XPO6: variants seen among roughly 807,000 people sequenced by gnomAD.
The protein encoded by XPO6 is exportin-6.
XPO6 carries 3 observed loss-of-function variants against 130.0 expected under a neutral mutation model. The ratio of observed to expected loss-of-function variants is 0.02; its 90% CI spans 0.01 to 0.06. The LOEUF is 0.06. Ranked by LOEUF, XPO6 falls within the 10% of genes least tolerant of loss-of-function variation. XPO6 has a pLI of 1.00. For missense variants in XPO6, 970 were observed against 1,393.0 expected, an observed-to-expected ratio of 0.70 and a Z score of 4.83; for synonymous variants, 524 against 548.9, an observed-to-expected ratio of 0.95 and a Z score of 0.63.
chr16:28,113,959 T>C (rs956666379), intron 15 of XPO6, among the ~76,000 whole-genome samples: 4 of 152,278 alleles, frequency 2.6e-5, no homozygotes, highest in African/African-American at 9.6e-5. Context: ...TTTAAAAATG[T>C]ATAAAATGTT....
chr16:28,190,162 T>G (rs946822726), intron 1 of XPO6, among the ~76,000 whole-genome samples: 1 of 152,112 alleles, frequency 6.6e-6, no homozygotes, highest in African/African-American at 2.4e-5. Flanking sequence ...TATTGGAGAA[T>G]GCATAAAAAC....
rs541629817 is a variant in XPO6 at position 28,101,836 on chromosome 16, G to A, written c.3045+11C>T. On this transcript the variant is annotated intron_variant, in intron 22 of 23. Coordinates refer to ENST00000304658, the MANE Select transcript of XPO6 (RefSeq NM_015171.4). This position sits in a 1 kb window ranked among gnomAD's most constrained non-coding sequence, Gnocchi z 5.4. ...TGATGGAAGAATATTTCCAAGAGCTGGGGCACTTACCTTGTGGTACAGCTT... is the reference window on the plus strand; with the variant it reads ...TGATGGAAGAATATTTCCAAGAGCTAGGGCACTTACCTTGTGGTACAGCTT... 1.4e-5 allele frequency: 22 copies of A among 1,612,632 alleles called. No homozygotes were observed. Among genetic ancestry groups the A allele is most frequent in the Admixed American group, 1.0e-4 (6 of 59,984 alleles).
rs2042691925 is a variant in XPO6, at chr16:28,132,556, A to G, written c.1537-153T>C. ...AACCTTTAAATGCAGCTAAAAAGCT[A>G]TGACCCCCCTTCAGTGCCCCCCAAC... On this transcript the variant is annotated intron_variant, in intron 11 of 23. Coordinates refer to ENST00000304658, the MANE Select transcript of XPO6 (RefSeq NM_015171.4). The surrounding 1 kb of genome is among the most constrained non-coding windows in gnomAD (Gnocchi z 4.0). Among the ~76,000 whole-genome samples the G allele has an allele frequency of 6.6e-6, 1 of 152,000 alleles. No individual in the cohort carries two copies. The highest frequency in any genetic ancestry group is 2.4e-5 in the African/African-American group (1 of 41,396).
At chr16:28,207,384 G>A (rs74883989) in intron 1 of XPO6, among the ~76,000 whole-genome samples, 3,327 of 152,196 alleles carry the variant, frequency 0.022, 107 homozygotes, top group African/African-American at 0.076. Context: ...GCAACAGCTC[G>A]CTCAATACTA....
At chr16:28,210,666 AG>A in intron 1 of XPO6, among the ~76,000 whole-genome samples, 1 of 152,346 alleles carries the variant, frequency 6.6e-6, no homozygotes, top group East Asian at 1.9e-4. Context: ...ACACACATTT[AG>A]GGGAGTATTG....
chr16:28,104,212 G>A (rs1314417811), intron 21 of XPO6, among the ~76,000 whole-genome samples: 1 of 152,204 alleles, frequency 6.6e-6, no homozygotes, highest in East Asian at 1.9e-4. Context: ...TCCCCGCTAA[G>A]AAGGCCCTCG....
At chr16:28,103,793 G>A (rs191160313) in intron 21 of XPO6, among the ~76,000 whole-genome samples, 221 of 152,356 alleles carry the variant, frequency 1.5e-3, no homozygotes, top group African/African-American at 4.2e-3. Context: ...GTGTGTGTGC[G>A]CGCGCATGCG....
chr16:28,189,257 T>TAAAAA (rs34353034), intron 1 of XPO6, among the ~76,000 whole-genome samples: 5 of 134,598 alleles, frequency 3.7e-5, no homozygotes, highest in Non-Finnish European at 6.2e-5. Flanking sequence ...ACACTTCCTT[T>TAAAAA]AAAAAAAAAA....
chr16:28,100,633 C>G (rs958410340), intron 23 of XPO6, among the ~76,000 whole-genome samples: 1 of 152,222 alleles, frequency 6.6e-6, no homozygotes, highest in African/African-American at 2.4e-5. Flanking sequence ...GGTCAAGAAC[C>G]CCAAGAGGAC....
intron 23 of XPO6, among the ~76,000 whole-genome samples, chr16:28,099,366 C>G (rs1001325837): frequency 2.6e-5 from 4 of 152,184 alleles, no homozygotes; most frequent in Non-Finnish European, 5.9e-5. Flanking sequence ...TGAGCAGGAC[C>G]AAGTTCATTT....
In XPO6 at chr16:28,104,559, C is replaced by A. The variant is rs750806090; in HGVS notation, c.2933G>T (p.Ser978Ile). 3 of 1,614,228 alleles carry A rather than the reference C, an allele frequency of 1.9e-6. No homozygotes were observed. The highest frequency in any genetic ancestry group is 2.5e-6 in the Non-Finnish European group (3 of 1,180,036). ...EEQMENEPQF[S>I]AIMQAFGQSF... ...CCCCCACGTTACCTGCATGATGGCA[C>A]TGAACTGGGGCTCATTCTCCATCTG... The change falls in exon 21 of 24, where the codon AGT becomes ATT. Residue 978 changes from serine (S) to isoleucine (I), a missense_variant. Ser to Ile is a moderately radical substitution (Grantham distance 142). This residue lies in a region of XPO6 where 936 missense variants were observed against 1,306.8 expected (regional missense o/e 0.72). Coordinates refer to ENST00000304658, the MANE Select transcript of XPO6 (RefSeq NM_015171.4).
rs2043046367 is a variant in XPO6 at position 28,149,456 on chromosome 16, TAAC to T, written c.1224+3200_1224+3202del. Among the ~76,000 whole-genome samples the T allele has an allele frequency of 1.2e-4, 18 of 152,364 alleles. No homozygotes were observed. In the South Asian group the frequency reaches 3.5e-3, roughly 30 times the overall value. ...TTCATCAGTACAGTCATGTACCATA[TAAC>T]AACATTTCCATCAACAATAGACTGC... On this transcript the variant is annotated intron_variant, in intron 8 of 23. Transcript: ENST00000304658.
At position 28,158,474 on chromosome 16, in the gene XPO6, AAT is replaced by A. The variant is rs376922595; in HGVS notation, c.644-1949_644-1948del. On this transcript the variant is annotated intron_variant, in intron 6 of 23. Transcript: ENST00000304658. The stretch of plus-strand genomic sequence containing the variant: ...GTGAATTTTTCTGTTTGCTTTGAAA[AAT>A]ATAGTTATTTTTTATTAAAGCATAT... 2.7e-4 allele frequency among the ~76,000 whole-genome samples: 41 copies of A among 152,360 alleles called. No homozygotes were observed. The East Asian group carries it at 5.4e-3, about 20-fold the overall frequency.
chr16:28,109,662 G>A (rs183063633), intron 17 of XPO6, among the ~76,000 whole-genome samples: 7 of 152,274 alleles, frequency 4.6e-5, no homozygotes, highest in African/African-American at 1.7e-4. Context: ...TGTCACGAAA[G>A]ACAAAAACTG....
Position 28,135,204 on chromosome 16 carries a change from C to A in XPO6, c.1443+12G>T, listed in dbSNP as rs1167790083. The A allele has an allele frequency of 1.2e-6, 2 of 1,608,134 alleles. No homozygotes were observed. Among genetic ancestry groups the A allele is most frequent in the Non-Finnish European group, 1.7e-6 (2 of 1,175,104 alleles). ...GACAGCGACAAAAAATCAATCAGGG[C>A]ATGCCGCTTACATCGTCATCCAGAG... On this transcript the variant is annotated intron_variant, in intron 10 of 23. Coordinates refer to ENST00000304658, the MANE Select transcript of XPO6 (RefSeq NM_015171.4).
intron 9 of XPO6, among the ~76,000 whole-genome samples, chr16:28,142,075 G>A (rs1396024211): frequency 2.0e-5 from 3 of 152,190 alleles, no homozygotes; most frequent in Non-Finnish European, 4.4e-5. Context: ...TAAACCACAG[G>A]GGACAGGAAA....
chr16:28,128,612 A>G (rs1291767167), intron 12 of XPO6, among the ~76,000 whole-genome samples: 1 of 152,242 alleles, frequency 6.6e-6, no homozygotes, highest in African/African-American at 2.4e-5. Flanking sequence ...CCATTTGAGT[A>G]TGGTCCTTAA....
chr16:28,205,554 G>A (rs1297793403), intron 1 of XPO6, among the ~76,000 whole-genome samples: 1 of 152,078 alleles, frequency 6.6e-6, no homozygotes, highest in Non-Finnish European at 1.5e-5. Flanking sequence ...ACTATCACCT[G>A]TATCACAGTC....
intron 6 of XPO6, among the ~76,000 whole-genome samples, chr16:28,164,800 G>C (rs1451795037): frequency 6.6e-6 from 1 of 152,214 alleles, no homozygotes; most frequent in Non-Finnish European, 1.5e-5. Flanking sequence ...AACTGAGTTA[G>C]CTCAGAACCT....
Sources: allele counts gnomAD v4.1 joint callset (sites outside exome capture counted in the v4.1 genomes callset), GRCh38; gene constraint gnomAD v4.1.1; regional missense constraint gnomAD v4.1.1; non-coding constraint Gnocchi (gnomAD v3.1); transcripts MANE v1.5; gene names NCBI Gene and HGNC (gene_info 2026-07-23, HGNC 2026-07-21).